SCAI: variants seen among roughly 807,000 people sequenced by gnomAD.
SCAI encodes suppressor of cancer cell invasion.
SCAI carries 24 observed loss-of-function variants against 92.2 expected under a neutral mutation model. That is an observed-to-expected ratio of 0.26 (90% CI 0.19 to 0.37). The LOEUF is 0.37. Among genes scored for constraint, SCAI ranks in the 10% least tolerant of loss-of-function variants. The pLI is 1.00. For synonymous variants in SCAI, 261 were observed against 258.6 expected, an observed-to-expected ratio of 1.01 and a Z score of -0.09; for missense variants, 450 against 736.2, an observed-to-expected ratio of 0.61 and a Z score of 4.50.
At position 124,957,448 on chromosome 9, in the gene SCAI, C is replaced by T. The variant is rs375404236; in HGVS notation, c.1675-4495G>A. ...TGCAATCTCGGCTCATTGCAACCTCCGCCTCCCAGGTTCAAGTGATTCTCT... is the reference window on the plus strand; with the variant it reads ...TGCAATCTCGGCTCATTGCAACCTCTGCCTCCCAGGTTCAAGTGATTCTCT... On this transcript the variant is annotated intron_variant, in intron 17 of 17. Transcript: ENST00000336505. Among the ~76,000 whole-genome samples the T allele has an allele frequency of 3.3e-5, 5 of 151,648 alleles. No homozygotes were observed. The East Asian group carries it at 5.8e-4, about 18-fold the overall frequency.
chr9:125,107,763 A>C (rs942095638), intron 2 of SCAI, among the ~76,000 whole-genome samples: 4 of 152,170 alleles, frequency 2.6e-5, no homozygotes, highest in African/African-American at 7.2e-5. Context: ...GCAAGACCCC[A>C]TCTCTAAAAA....
intron 17 of SCAI, 42 bp from the exon 18 acceptor site, chr9:124,952,995 T>G (rs778093889): frequency 6.4e-7 from 1 of 1,557,378 alleles, no homozygotes; most frequent in Admixed American, 1.7e-5. Context: ...TGTAGTCTAA[T>G]GAAAGAAAAT....
intron 2 of SCAI, among the ~76,000 whole-genome samples, chr9:125,078,010 G>A (rs1034479039): frequency 8.0e-5 from 12 of 150,400 alleles, no homozygotes; most frequent in African/African-American, 2.4e-4. Context: ...GTAAGCCACC[G>A]TACCCAGCCT....
intron 14 of SCAI, among the ~76,000 whole-genome samples, chr9:124,989,696 C>A (rs1832077451): frequency 6.7e-6 from 1 of 149,906 alleles, no homozygotes. Context: ...CCAGCCAGAC[C>A]AACATGGAGA....
chr9:125,109,221 G>A (rs560919853), intron 2 of SCAI, among the ~76,000 whole-genome samples: 7 of 152,178 alleles, frequency 4.6e-5, no homozygotes, highest in East Asian at 3.9e-4. Flanking sequence ...CAAACACTGC[G>A]GAAGGCCGCA....
intron 14 of SCAI, among the ~76,000 whole-genome samples, chr9:124,984,537 A>C (rs377191308): frequency 3.9e-5 from 6 of 152,202 alleles, no homozygotes; most frequent in East Asian, 3.9e-4. Context: ...TATTAGTTCG[A>C]GTCAACAGGA....
intron 3 of SCAI, among the ~76,000 whole-genome samples, chr9:125,036,758 C>A (rs1481340908): frequency 6.6e-6 from 1 of 152,202 alleles, no homozygotes; most frequent in East Asian, 1.9e-4. Context: ...TATTTACTTA[C>A]AAGCATATAA....
intron 14 of SCAI, among the ~76,000 whole-genome samples, chr9:124,990,793 G>C (rs1398138769): frequency 6.6e-6 from 1 of 151,966 alleles, no homozygotes; most frequent in Non-Finnish European, 1.5e-5. Flanking sequence ...AGGCAAATAG[G>C]GGTTGCAACA....
chr9:125,057,151 T>G (rs1833685094), intron 2 of SCAI, among the ~76,000 whole-genome samples: 1 of 152,212 alleles, frequency 6.6e-6, no homozygotes, highest in Non-Finnish European at 1.5e-5. Flanking sequence ...ATATAGTCAC[T>G]GAAATAATGT....
chr9:125,069,753 G>C (rs1174177205), intron 2 of SCAI, among the ~76,000 whole-genome samples: 1 of 150,922 alleles, frequency 6.6e-6, no homozygotes, highest in Non-Finnish European at 1.5e-5. Context: ...CTCCTGAGTA[G>C]CTGGGATTAC....
intron 2 of SCAI, among the ~76,000 whole-genome samples, chr9:125,133,940 A>T (rs1835460040): frequency 6.6e-6 from 1 of 152,194 alleles, no homozygotes; most frequent in Non-Finnish European, 1.5e-5. Flanking sequence ...AGGTGCTCCA[A>T]GTTGTAACAA....
At chr9:124,977,216 C>G (rs1405862652) in intron 14 of SCAI, among the ~76,000 whole-genome samples, 1 of 152,154 alleles carries the variant, frequency 6.6e-6, no homozygotes, top group East Asian at 1.9e-4. Context: ...AATGTCATTA[C>G]ACTAACTTAT....
At chr9:124,989,856 CT>C (rs560205889) in intron 14 of SCAI, among the ~76,000 whole-genome samples, 78 of 143,154 alleles carry the variant, frequency 5.4e-4, no homozygotes, top group African/African-American at 1.9e-3. Flanking sequence ...GCACTCCAGT[CT>C]GGCTGACAGA....
intron 6 of SCAI, among the ~76,000 whole-genome samples, chr9:125,025,519 T>C (rs565033501): frequency 1.1e-4 from 17 of 152,378 alleles, no homozygotes; most frequent in African/African-American, 4.1e-4. Flanking sequence ...TAAAATGTTA[T>C]ACAGCTCTTT....
chr9:125,112,930 AAGAAAATAAAGTAGTACTGGATT>A (rs1270225127), intron 2 of SCAI, among the ~76,000 whole-genome samples: 1 of 152,268 alleles, frequency 6.6e-6, no homozygotes, highest in African/African-American at 2.4e-5. Flanking sequence ...CAATCTGAGC[AAGAAAATAAAGTAGTACTGGATT>A]ATAAACCAAA....
At chr9:125,132,132 G>C (rs1004353983) in intron 2 of SCAI, among the ~76,000 whole-genome samples, 2 of 90,558 alleles carry the variant, frequency 2.2e-5, no homozygotes, top group Non-Finnish European at 4.5e-5. Context: ...TTTTTTTTTT[G>C]AGACAGCGTC....
intron 2 of SCAI, among the ~76,000 whole-genome samples, chr9:125,109,669 CT>C (rs1360861726): frequency 3.3e-5 from 5 of 151,748 alleles, no homozygotes; most frequent in African/African-American, 1.2e-4. Flanking sequence ...ATCTATCTAT[CT>C]ATCTATCTAT....
intron 9 of SCAI, among the ~76,000 whole-genome samples, chr9:125,006,579 C>T (rs1249140447): frequency 6.6e-6 from 1 of 152,158 alleles, no homozygotes; most frequent in Non-Finnish European, 1.5e-5. Flanking sequence ...GCAACCTCTG[C>T]CTCCCGGGTT....
chr9:125,091,904 G>A lies in SCAI; in HGVS notation c.99-35897C>T, dbSNP rs1003159377. On this transcript the variant is annotated intron_variant, in intron 2 of 17. Transcript: ENST00000336505. This position sits in a 1 kb window ranked among gnomAD's most constrained non-coding sequence, Gnocchi z 4.3. ...AGGCGAGCAGATCACGAGGTCAGGA[G>A]ATCGAGACCATCCTGGCTAACACGA... 2.0e-5 allele frequency among the ~76,000 whole-genome samples: 3 copies of A among 152,120 alleles called. No individual in the cohort carries two copies. Among genetic ancestry groups the A allele is most frequent in the African/African-American group, 7.2e-5 (3 of 41,434 alleles).
Sources: allele counts gnomAD v4.1 joint callset (sites outside exome capture counted in the v4.1 genomes callset), GRCh38; gene constraint gnomAD v4.1.1; non-coding constraint Gnocchi (gnomAD v3.1); transcripts MANE v1.5; gene names NCBI Gene and HGNC (gene_info 2026-07-23, HGNC 2026-07-21).